The following DCUN1D1 variants were observed in gnomAD, a reference collection of about 807,000 sequenced individuals.
DCUN1D1 encodes the protein defective in cullin neddylation 1 domain containing 1.
In DCUN1D1, 3 loss-of-function variants were observed where a neutral mutation model predicts 39.0. The ratio of observed to expected loss-of-function variants is 0.08; its 90% CI spans 0.04 to 0.20. The LOEUF (loss-of-function observed/expected upper bound fraction) is 0.20, where lower values mean the gene tolerates loss of function less well. Among genes scored for constraint, DCUN1D1 ranks in the 10% least tolerant of loss-of-function variants. DCUN1D1 has a pLI of 1.00. For missense variants in DCUN1D1, 158 were observed against 302.4 expected (o/e 0.52, Z 3.54); for synonymous variants, 82 against 96.3 (o/e 0.85, Z 0.87).
At chr3:182,955,295 A>T in intron 4 of DCUN1D1, 1 of 540,768 alleles carries the variant, frequency 1.8e-6, no homozygotes. Flanking sequence ...CCAAATCATC[A>T]TCACTTTCTT....
chr3:182,962,771 G>A (rs113152091), intron 3 of DCUN1D1, among the ~76,000 whole-genome samples: 3,889 of 152,166 alleles, frequency 0.026, 161 homozygotes, highest in African/African-American at 0.088. Flanking sequence ...TTACAGGTGT[G>A]GTTTTTGTTT....
chr3:182,941,711 T>G lies in DCUN1D1; in HGVS notation c.*3383A>C, dbSNP rs565535281. On this transcript the variant is annotated 3_prime_UTR_variant, in exon 7 of 7. Coordinates refer to ENST00000292782, the MANE Select transcript of DCUN1D1 (RefSeq NM_020640.4). Reference sequence around the variant, plus strand: ...AGTATTTTCTGTTAAATATACACAATTTAACATTTAAAACTACATAAATTA... The same window carrying G: ...AGTATTTTCTGTTAAATATACACAAGTTAACATTTAAAACTACATAAATTA... 8.5e-5 allele frequency: 13 copies of G among 152,112 alleles called. No individual in the cohort carries two copies. Among genetic ancestry groups the G allele is most frequent in the Non-Finnish European group, 1.9e-4 (13 of 67,984 alleles). 9.4% of individuals were successfully genotyped at this position (152,112 alleles called of 1,614,324 possible).
At chr3:182,973,060 C>A (rs1427135660) in intron 1 of DCUN1D1, among the ~76,000 whole-genome samples, 1 of 151,524 alleles carries the variant, frequency 6.6e-6, no homozygotes, top group Non-Finnish European at 1.5e-5. Flanking sequence ...AAGGGGGGGG[C>A]TCTGTATTAC....
intron 1 of DCUN1D1, among the ~76,000 whole-genome samples, chr3:182,975,454 G>A (rs958459866): frequency 6.6e-6 from 1 of 151,870 alleles, no homozygotes; most frequent in African/African-American, 2.4e-5. Context: ...GGGATTACAG[G>A]TGTGAGCCAC....
chr3:182,985,849 T>A (rs1159043545), exon 1 of DCUN1D1: 2 of 152,186 alleles, frequency 1.3e-5, no homozygotes, highest in African/African-American at 4.8e-5. Context: ...TCAAGGTACA[T>A]GTGGATCTGT....
chr3:182,979,124 G>A (rs978960906), intron 1 of DCUN1D1, among the ~76,000 whole-genome samples: 2 of 152,154 alleles, frequency 1.3e-5, no homozygotes, highest in African/African-American at 4.8e-5. Context: ...ACTGCCTGGT[G>A]GATCTCTGAA....
intron 4 of DCUN1D1, chr3:182,956,102 A>G (rs13082153): frequency 6.2e-6 from 1 of 161,048 alleles, no homozygotes; most frequent in Admixed American, 6.4e-5. Flanking sequence ...CTAATTTTTT[A>G]TTTTTAGTAG....
At chr3:182,980,684 C>T, upstream of DCUN1D1, 3 of 594,250 alleles carry the variant, frequency 5.0e-6, no homozygotes, top group Non-Finnish European at 6.3e-6. Flanking sequence ...GCGCCCCGCG[C>T]GGGGCTTCCC....
At chr3:182,977,030 T>C (rs1022291882) in intron 1 of DCUN1D1, among the ~76,000 whole-genome samples, 25 of 152,256 alleles carry the variant, frequency 1.6e-4, no homozygotes, top group South Asian at 4.1e-4. Context: ...ATTAACATCA[T>C]TGATCACCCA....
At chr3:182,971,766 T>C (rs1727952268) in intron 1 of DCUN1D1, among the ~76,000 whole-genome samples, 1 of 152,130 alleles carries the variant, frequency 6.6e-6, no homozygotes, top group Admixed American at 6.5e-5. Context: ...TATTTACTTA[T>C]TCAAAAAGTA....
At chr3:182,978,596 C>G (rs1313394382) in intron 1 of DCUN1D1, among the ~76,000 whole-genome samples, 3 of 152,144 alleles carry the variant, frequency 2.0e-5, no homozygotes, top group African/African-American at 7.2e-5. Context: ...TGGTCTCAAA[C>G]TCCTAGGCTC....
chr3:182,975,415 A>G (rs1424123945), intron 1 of DCUN1D1, among the ~76,000 whole-genome samples: 1 of 151,892 alleles, frequency 6.6e-6, no homozygotes, highest in African/African-American at 2.4e-5. Context: ...TGACCTTGTG[A>G]TCCGCCCGCC....
chr3:182,955,443 AT>A (rs1726993600), intron 4 of DCUN1D1: 4 of 541,878 alleles, frequency 7.4e-6, no homozygotes, highest in African/African-American at 1.9e-5. Context: ...TCATAGGCAC[AT>A]GGTCTACACG....
intron 4 of DCUN1D1, among the ~76,000 whole-genome samples, chr3:182,956,965 A>T (rs1242235523): frequency 6.6e-6 from 1 of 152,236 alleles, no homozygotes; most frequent in Non-Finnish European, 1.5e-5. Flanking sequence ...TAGTAGTGGG[A>T]ATAACAAATG....
chr3:182,955,446 G>A (rs988000187), intron 4 of DCUN1D1: 19 of 541,838 alleles, frequency 3.5e-5, no homozygotes, highest in Non-Finnish European at 6.0e-5. Context: ...TAGGCACATG[G>A]TCTACACGTT....
chr3:182,952,806 C>G (rs563163484), intron 4 of DCUN1D1, among the ~76,000 whole-genome samples: 2 of 152,292 alleles, frequency 1.3e-5, no homozygotes, highest in East Asian at 3.9e-4. Context: ...TTCTCCATCC[C>G]CACTGGGAAG....
chr3:182,966,055 G>A (rs887564509), intron 1 of DCUN1D1, among the ~76,000 whole-genome samples: 18 of 152,004 alleles, frequency 1.2e-4, no homozygotes, highest in Admixed American at 9.2e-4. Flanking sequence ...AAGGGAAGCC[G>A]CGCTACCCTC....
At chr3:182,960,187 T>TTA (rs1364438068) in intron 4 of DCUN1D1, among the ~76,000 whole-genome samples, 1 of 152,268 alleles carries the variant, frequency 6.6e-6, no homozygotes, top group East Asian at 1.9e-4. Flanking sequence ...CCAGACATAC[T>TTA]AAAAGCTCAC....
rs540596120 is a variant in DCUN1D1, at chr3:182,966,468, G to A, written c.4-715C>T. Among the ~76,000 whole-genome samples, 123 of 152,014 alleles carry A rather than the reference G, an allele frequency of 8.1e-4. 1 individual carries two copies. Among genetic ancestry groups the A allele is most frequent in the Admixed American group, 4.6e-3 (70 of 15,284 alleles). ...ACTTCATTCCCTTAGCCAGAGCCTA[G>A]CAGAGACCCTTGGTCTCTCCAAACA... On this transcript the variant is annotated intron_variant, in intron 1 of 6. Transcript: ENST00000292782.
Sources: allele counts gnomAD v4.1 joint callset (sites outside exome capture counted in the v4.1 genomes callset), GRCh38; gene constraint gnomAD v4.1.1; transcripts MANE v1.5; gene names NCBI Gene and HGNC (gene_info 2026-07-23, HGNC 2026-07-21).